Variants in DPH6 observed in about 807,000 individuals in gnomAD.
DPH6 encodes diphthine--ammonia ligase.
Under a neutral mutation model 38.2 loss-of-function variants are expected in DPH6, and 33 were observed. The ratio of observed to expected loss-of-function variants is 0.86; its 90% confidence interval spans 0.65 to 1.15. The LOEUF (loss-of-function observed/expected upper bound fraction) is 1.15, where lower values mean the gene tolerates loss of function less well. Ranked by LOEUF, DPH6 falls within the 50% of genes most tolerant of loss-of-function variation. The pLI is 0.00. For missense variants in DPH6, 325 were observed against 320.0 expected, an observed-to-expected ratio of 1.02 and a Z score of -0.12; for synonymous variants, 108 against 103.0, an observed-to-expected ratio of 1.05 and a Z score of -0.30.
At chr15:35,400,868 T>C in intron 6 of DPH6, 5 of 859,674 alleles carry the variant, frequency 5.8e-6, no homozygotes, top group Non-Finnish European at 9.9e-6. Flanking sequence ...TTTGGGTTTG[T>C]CTCATATGCC....
chr15:35,171,241 T>C, the DPH6 span, among the ~76,000 whole-genome samples: 1 of 152,236 alleles, frequency 6.6e-6, no homozygotes, highest in Non-Finnish European at 1.5e-5. Context: ...ACATGCCACT[T>C]GGTTGCAGCA....
At chr15:35,237,062 T>C in intron 3 of DPH6, 1 of 472,212 alleles carries the variant, frequency 2.1e-6, no homozygotes, top group Non-Finnish European at 3.8e-6. Flanking sequence ...TGGGTTGGAA[T>C]GCATGCACAT....
rs571229425 is a variant in DPH6, at chr15:35,415,316, C to G, written c.506-4420G>C. 2.3e-4 allele frequency among the ~76,000 whole-genome samples: 35 copies of G among 151,854 alleles called. 1 individual carries two copies. The highest frequency in any genetic ancestry group is 3.7e-4 in the Non-Finnish European group (25 of 67,912). On this transcript the variant is annotated intron_variant, in intron 5 of 8. Coordinates refer to ENST00000256538, the MANE Select transcript of DPH6 (RefSeq NM_080650.4). ...AGCATTAGGGCATCATTTAAAAAGT[C>G]TCCCATGATTGAATTTGAGAATTTG...
chr15:35,386,758 T>C (rs2052965525), intron 6 of DPH6, among the ~76,000 whole-genome samples: 2 of 152,184 alleles, frequency 1.3e-5, no homozygotes, highest in African/African-American at 4.8e-5. Flanking sequence ...GTCAGATGAG[T>C]AGGTTGCAAA....
At chr15:35,520,346 C>T (rs1439845438) in intron 3 of DPH6, 2 of 983,168 alleles carry the variant, frequency 2.0e-6, no homozygotes, top group Non-Finnish European at 2.4e-6. Context: ...TCCTCATAGA[C>T]ATGCATTTTG....
intron 3 of DPH6, among the ~76,000 whole-genome samples, chr15:35,492,282 G>A (rs2054493691): frequency 6.6e-6 from 1 of 151,954 alleles, no homozygotes; most frequent in African/African-American, 2.4e-5. Flanking sequence ...AATCTCTTCT[G>A]GAAACACTCT....
At chr15:35,538,959 G>C (rs1435356619) in intron 2 of DPH6, among the ~76,000 whole-genome samples, 1 of 152,006 alleles carries the variant, frequency 6.6e-6, no homozygotes, top group Non-Finnish European at 1.5e-5. Flanking sequence ...TTTATATTCA[G>C]ATATTCAGGA....
intron 5 of DPH6, among the ~76,000 whole-genome samples, chr15:35,439,160 A>G (rs191774418): frequency 4.0e-4 from 61 of 152,350 alleles, no homozygotes; most frequent in African/African-American, 1.4e-3. Flanking sequence ...TTAGAAAATT[A>G]GGGTTGATAT....
chr15:35,274,813 C>A (rs536342356), intron 3 of DPH6, among the ~76,000 whole-genome samples: 1 of 152,232 alleles, frequency 6.6e-6, no homozygotes, highest in East Asian at 1.9e-4. Flanking sequence ...ATTATTTAAA[C>A]CGTTGTGGAT....
chr15:35,317,861 T>C (rs893932193), intron 3 of DPH6, among the ~76,000 whole-genome samples: 3 of 152,054 alleles, frequency 2.0e-5, no homozygotes, highest in African/African-American at 7.2e-5. Context: ...TACGTTGTAA[T>C]AAGTCCAGGC....
Position 35,453,540 on chromosome 15 carries a change from G to A in DPH6, c.386+1207C>T, listed in dbSNP as rs1471216901. Among the ~76,000 whole-genome samples the A allele has an allele frequency of 2.0e-5, 3 of 152,182 alleles. No individual in the cohort carries two copies. In the East Asian group the frequency reaches 5.8e-4, roughly 29 times the overall value. ...GATATGCAATTCATCTCCATCTGCA[G>A]ATCAGTTGTTCTCAACGGTAGATCT... On this transcript the variant is annotated intron_variant, in intron 4 of 8. Coordinates refer to ENST00000256538, the MANE Select transcript of DPH6 (RefSeq NM_080650.4).
At chr15:35,248,480 G>A (rs1172965235) in intron 3 of DPH6, among the ~76,000 whole-genome samples, 1 of 152,100 alleles carries the variant, frequency 6.6e-6, no homozygotes, top group Non-Finnish European at 1.5e-5. Context: ...GGCCTTGCTG[G>A]GTCCCATTCT....
chr15:35,491,548 TAC>T (rs71309445), intron 3 of DPH6, among the ~76,000 whole-genome samples: 5,042 of 137,564 alleles, frequency 0.037, 162 homozygotes, highest in African/African-American at 0.092. Context: ...CCAATAGGTG[TAC>T]ACACACACAC....
chr15:35,544,169 G>A lies in DPH6; in HGVS notation c.24-1662C>T, dbSNP rs117499472. ...TTAGTTTCCAACTCTGGGATACTAA[G>A]CTAAGTTATTCAATGTGCTTAGGTT... On this transcript the variant is annotated intron_variant, in intron 1 of 8. Coordinates refer to ENST00000256538, the MANE Select transcript of DPH6 (RefSeq NM_080650.4). Among the ~76,000 whole-genome samples, 586 of 152,256 alleles carry A rather than the reference G, an allele frequency of 3.8e-3. 3 individuals are homozygous for A. Among genetic ancestry groups the A allele is most frequent in the Non-Finnish European group, 6.2e-3 (419 of 68,024 alleles).
At chr15:35,478,817 ACAATTATTAGATAGATAGGCTGG>A (rs959435269) in intron 3 of DPH6, among the ~76,000 whole-genome samples, 5 of 152,056 alleles carry the variant, frequency 3.3e-5, no homozygotes, top group Non-Finnish European at 5.9e-5. Flanking sequence ...AGAAGCTCCT[ACAATTATTAGATAGATAGGCTGG>A]CAACCCCTTA....
At chr15:35,382,497 G>T (rs1038169883) in intron 6 of DPH6, among the ~76,000 whole-genome samples, 1 of 151,804 alleles carries the variant, frequency 6.6e-6, no homozygotes. Context: ...TGTAAATTTG[G>T]GGAATGACAG....
At chr15:35,420,292 CA>C (rs1001601531) in intron 5 of DPH6, among the ~76,000 whole-genome samples, 6 of 151,886 alleles carry the variant, frequency 4.0e-5, no homozygotes, top group Non-Finnish European at 8.8e-5. Context: ...TGGGATGCAG[CA>C]AAAGCAGTTC....
the DPH6 span, among the ~76,000 whole-genome samples, chr15:35,194,518 A>G: frequency 6.6e-6 from 1 of 152,224 alleles, no homozygotes; most frequent in Non-Finnish European, 1.5e-5. Context: ...ATAGCTCTAC[A>G]GTGTCTGAAA....
intron 5 of DPH6, among the ~76,000 whole-genome samples, chr15:35,431,353 T>C (rs2053630528): frequency 6.6e-6 from 1 of 152,138 alleles, no homozygotes; most frequent in South Asian, 2.1e-4. Context: ...ACAATGGTTT[T>C]ACTGATAAAA....
Sources: gnomAD v4.1 joint callset for allele counts (sites outside exome capture counted in the v4.1 genomes callset) on GRCh38, gnomAD v4.1.1 for gene constraint, MANE v1.5 for transcripts, NCBI Gene and HGNC (gene_info 2026-07-23, HGNC 2026-07-21) for gene names.